Variants in H1-8 observed in about 807,000 individuals in gnomAD.
H1-8 encodes the protein H1.8 linker histone.
H1-8 carries 13 observed loss-of-function variants against 19.5 expected under a neutral mutation model. That is an observed-to-expected ratio of 0.67 (90% CI 0.43 to 1.06). The LOEUF is 1.06. Among genes scored for constraint, H1-8 ranks in the 50% least tolerant of loss-of-function variants. The pLI is 0.00. For synonymous variants in H1-8, 193 were observed against 187.6 expected (o/e 1.03, Z -0.24); for missense variants, 432 against 459.8 (o/e 0.94, Z 0.55).
chr3:129,543,186 G>A lies in H1-8; in HGVS notation c.-33G>A, dbSNP rs1163072709. ...GCAGGCCCAGCAGCCTCACACCCGG[G>A]TGAGGGGTCTGCTGGCTGCACCTGT... is the stretch of plus-strand genomic sequence containing the variant. On this transcript the variant is annotated 5_prime_UTR_variant, in exon 1 of 5. It adds an upstream start codon to the 5' untranslated region. Coordinates refer to ENST00000324382, the MANE Select transcript of H1-8 (RefSeq NM_153833.3). 2 of 1,557,206 alleles carry A rather than the reference G, an allele frequency of 1.3e-6. No homozygotes were observed. Among genetic ancestry groups the A allele is most frequent in the Non-Finnish European group, 1.8e-6 (2 of 1,135,798 alleles).
chr3:129,551,155 G>T lies in H1-8; in HGVS notation c.856G>T (p.Ala286Ser). The T allele has an allele frequency of 2.5e-6, 4 of 1,614,250 alleles. No homozygotes were observed. The African/African-American group carries it at 4.0e-5, about 16-fold the overall frequency. Reference sequence around the variant, plus strand: ...GACCAAAAAGAAGGTGGTGGCCAAGGCCAAGGCCCCTAAAGCTGGGCAGGG... The same window carrying T: ...GACCAAAAAGAAGGTGGTGGCCAAGTCCAAGGCCCCTAAAGCTGGGCAGGG... ...SPTKKKVVAK[A>S]KAPKAGQGPN... The change falls in exon 5 of 5, where the codon GCC (alanine) becomes TCC (serine). Residue 286 changes from alanine to serine, a missense_variant. By Grantham distance (99) the Ala-to-Ser change is moderately conservative. Coordinates refer to ENST00000324382, the MANE Select transcript of H1-8 (RefSeq NM_153833.3).
chr3:129,549,616 A>G (rs567705108), intron 3 of H1-8, among the ~76,000 whole-genome samples: 1 of 146,486 alleles, frequency 6.8e-6, no homozygotes, highest in East Asian at 2.0e-4. Flanking sequence ...AAGGTGTCTC[A>G]AGCAGGGGAA....
chr3:129,549,261 G>A lies in H1-8; in HGVS notation c.639G>A (p.Glu213=). The change falls in exon 3 of 5, where the codon GAG becomes GAA. Residue 213 remains glutamate (E), a synonymous_variant. Coordinates refer to ENST00000324382, the MANE Select transcript of H1-8 (RefSeq NM_153833.3). ...AGGACACCAGGGCACAGTCGGGAGA[G>A]GCTAGGAAGGTGCCCCCCAAGCCAG... is the stretch of plus-strand genomic sequence containing the variant. ...AAKDTRAQSG[E]ARKVPPKPDK... 1 of 1,575,096 alleles carries A rather than the reference G, an allele frequency of 6.3e-7. No individual in the cohort carries two copies. The highest frequency in any genetic ancestry group is 8.6e-7 in the Non-Finnish European group (1 of 1,162,354).
At chr3:129,548,927 G>A (rs1317126054) in intron 2 of H1-8, 74 bp from the exon 3 acceptor site, 25 of 1,517,866 alleles carry the variant, frequency 1.6e-5, no homozygotes, top group Middle Eastern at 1.8e-4. Flanking sequence ...CCTCCCATTC[G>A]GAGTCTTACG....
At position 129,543,211 on chromosome 3, in the gene H1-8, T is replaced by C; in HGVS notation, c.-8T>C. On this transcript the variant is annotated 5_prime_UTR_variant, in exon 1 of 5. Transcript: ENST00000324382. Reference sequence around the variant, plus strand: ...GTGAGGGGTCTGCTGGCTGCACCTGTCGGTCTCATGGCTCCTGGGAGCGTC... The same window carrying C: ...GTGAGGGGTCTGCTGGCTGCACCTGCCGGTCTCATGGCTCCTGGGAGCGTC... 3 of 1,610,902 alleles carry C rather than the reference T, an allele frequency of 1.9e-6. No homozygotes were observed. The highest frequency in any genetic ancestry group is 2.7e-5 in the African/African-American group (2 of 74,972).
chr3:129,546,830 G>A (rs967942273), intron 1 of H1-8, among the ~76,000 whole-genome samples: 2 of 152,174 alleles, frequency 1.3e-5, no homozygotes, highest in African/African-American at 2.4e-5. Context: ...CATAGCCCCC[G>A]GAGGTCCTGT....
Position 129,549,384 on chromosome 3 carries a change from G to C in H1-8, c.742+20G>C, listed in dbSNP as rs147728538. On this transcript the variant is annotated intron_variant, in intron 3 of 4. Transcript: ENST00000324382. ...GCCAAGGTAGTTGTGTGACTTGTAGGGGGTGGTGTGGGGATGGGGGTCTTG... is the reference window on the plus strand; with the variant it reads ...GCCAAGGTAGTTGTGTGACTTGTAGCGGGTGGTGTGGGGATGGGGGTCTTG... 1.0e-5 allele frequency: 16 copies of C among 1,551,360 alleles called. No homozygotes were observed. Among genetic ancestry groups the C allele is most frequent in the Non-Finnish European group, 1.4e-5 (16 of 1,154,268 alleles).
At position 129,549,036 on chromosome 3, in the gene H1-8, G is replaced by T; in HGVS notation, c.414G>T (p.Arg138Ser). 1 of 1,612,200 alleles carries T rather than the reference G, an allele frequency of 6.2e-7. No homozygotes were observed. ...VPKHKKKIQP[R>S]KMAPATAPRR... The stretch of plus-strand genomic sequence containing the variant: ...AGCACAAGAAGAAAATCCAGCCCAG[G>T]AAGATGGCCCCCGCGACGGCTCCCA... The change falls in exon 3 of 5, where the codon AGG (arginine) becomes AGT (serine). Residue 138 changes from arginine to serine, a missense_variant. Transcript: ENST00000324382.
At position 129,543,971 on chromosome 3, in the gene H1-8, T is replaced by C. The variant is rs79856451; in HGVS notation, c.88+665T>C. On this transcript the variant is annotated intron_variant, in intron 1 of 4. Transcript: ENST00000324382. ...TGCCTCAGCCGGGGGAAGTGTTCTA[T>C]TTGCCAAGACACCTAGGGAGATAGG... Among the ~76,000 whole-genome samples, 626 of 152,104 alleles carry C rather than the reference T, an allele frequency of 4.1e-3. 25 individuals are homozygous for C. The East Asian group carries it at 0.096, about 23-fold the overall frequency.
intron 3 of H1-8, among the ~76,000 whole-genome samples, chr3:129,549,593 G>A (rs546220428): frequency 3.2e-4 from 49 of 151,982 alleles, no homozygotes; most frequent in Middle Eastern, 3.4e-3. Context: ...ACTCATTCTT[G>A]AGGCAGTGGA....
At chr3:129,546,569 C>A (rs1229632197) in intron 1 of H1-8, among the ~76,000 whole-genome samples, 1 of 152,176 alleles carries the variant, frequency 6.6e-6, no homozygotes, top group East Asian at 1.9e-4. Flanking sequence ...ATACCATTAG[C>A]ACACTTGAAA....
At chr3:129,549,494 C>A in intron 3 of H1-8, 130 bp downstream of exon 3, 2 of 1,105,306 alleles carry the variant, frequency 1.8e-6, no homozygotes, top group East Asian at 2.5e-5. Flanking sequence ...TGGGCTTGAC[C>A]TGGAGAGAGA....
chr3:129,544,280 C>T (rs1270025052), intron 1 of H1-8, among the ~76,000 whole-genome samples: 2 of 151,892 alleles, frequency 1.3e-5, no homozygotes, highest in African/African-American at 2.4e-5. Flanking sequence ...TCAGTTAGGT[C>T]AACTTTTATC....
At chr3:129,543,359 T>A in intron 1 of H1-8, 53 bp downstream of exon 1, 1 of 1,311,332 alleles carries the variant, frequency 7.6e-7, no homozygotes. Context: ...ACTCCCTGGG[T>A]TGCCTTTGAT....
rs1459924850 is a variant in H1-8, at chr3:129,551,188, A to C, written c.889A>C (p.Thr297Pro). Residue 297 changes from threonine to proline, a missense_variant, in exon 5 of 5, where the codon ACC becomes CCC. Physicochemically the swap from Thr to Pro is conservative, Grantham distance 38. Coordinates refer to ENST00000324382, the MANE Select transcript of H1-8 (RefSeq NM_153833.3). The part of the protein sequence containing the change: ...KAPKAGQGPN[T>P]KAAAPAKGSG... ...CCCTAAAGCTGGGCAGGGGCCAAAC[A>C]CCAAGGCTGCTGCTCCTGCTAAGGG... The C allele has an allele frequency of 2.0e-5, 32 of 1,614,230 alleles. 1 individual carries two copies. The highest frequency in any genetic ancestry group is 2.7e-5 in the Non-Finnish European group (32 of 1,180,030).
chr3:129,548,703 G>GC (rs368694726), intron 2 of H1-8, among the ~76,000 whole-genome samples: 2 of 152,140 alleles, frequency 1.3e-5, no homozygotes, highest in East Asian at 3.9e-4. Flanking sequence ...GGGCGAGGTG[G>GC]TGGGGGCATG....
Position 129,549,090 on chromosome 3 carries a change from C to A in H1-8, c.468C>A (p.Gly156=), listed in dbSNP as rs374554569. ...PRRAGEAKGK[G]PKKPSEAKED... is the part of the protein sequence containing the mutation. ...GAGCGGGTGAGGCCAAGGGGAAGGGCCCCAAGAAACCAAGTGAGGCCAAGG... is the reference window on the plus strand; with the variant it reads ...GAGCGGGTGAGGCCAAGGGGAAGGGACCCAAGAAACCAAGTGAGGCCAAGG... Residue 156 remains glycine (G), a synonymous_variant, in exon 3 of 5, where the codon GGC becomes GGA. Coordinates refer to ENST00000324382, the MANE Select transcript of H1-8 (RefSeq NM_153833.3). 3 of 1,607,022 alleles carry A rather than the reference C, an allele frequency of 1.9e-6. No homozygotes were observed. The highest frequency in any genetic ancestry group is 1.7e-5 in the Admixed American group (1 of 59,008).
At chr3:129,549,746 G>A (rs1339986194) in intron 3 of H1-8, among the ~76,000 whole-genome samples, 1 of 152,048 alleles carries the variant, frequency 6.6e-6, no homozygotes, top group Non-Finnish European at 1.5e-5. Flanking sequence ...TTGAGGTCAG[G>A]AGTTTGAGAC....
intron 1 of H1-8, among the ~76,000 whole-genome samples, chr3:129,543,717 G>A (rs529593613): frequency 1.3e-5 from 2 of 152,316 alleles, no homozygotes; most frequent in African/African-American, 2.4e-5. Context: ...AAACACCTCA[G>A]GGTTTATCTG....
Sources: allele counts gnomAD v4.1 joint callset (sites outside exome capture counted in the v4.1 genomes callset), GRCh38; gene constraint gnomAD v4.1.1; transcripts MANE v1.5; gene names NCBI Gene and HGNC (gene_info 2026-07-23, HGNC 2026-07-21).